The following AGBL4 variants were observed in gnomAD, a reference collection of about 807,000 sequenced individuals.
AGBL4 encodes the protein AGBL carboxypeptidase 4.
Under a neutral mutation model 66.4 loss-of-function variants are expected in AGBL4, and 58 were observed. The observed-to-expected ratio is 0.87, with a 90% CI of 0.71 to 1.09. AGBL4 has a LOEUF of 1.09. AGBL4 is among the 50% of genes least tolerant of loss of function. The probability of loss-of-function intolerance (pLI) is 0.00; values close to 1 mark genes in which losing one functional copy is unlikely to be tolerated. For missense variants in AGBL4, 579 were observed against 631.0 expected (o/e 0.92, Z 0.88); for synonymous variants, 234 against 222.9 (o/e 1.05, Z -0.44).
intron 4 of AGBL4, among the ~76,000 whole-genome samples, chr1:49,243,018 TATACATATATATATATACACACAC>T (rs1485980438): frequency 2.5e-3 from 369 of 147,626 alleles, no homozygotes; most frequent in African/African-American, 8.5e-3. Context: ...TCCCAATTTT[TATACATATATATATATACACACAC>T]ATACATATAT....
At chr1:49,688,876 T>C (rs763331031) in intron 3 of AGBL4, among the ~76,000 whole-genome samples, 2 of 152,236 alleles carry the variant, frequency 1.3e-5, no homozygotes, top group African/African-American at 2.4e-5. Flanking sequence ...ATGTCTTCTT[T>C]TGAGAAATGT....
chr1:49,546,368 T>A (rs992128265), intron 3 of AGBL4, among the ~76,000 whole-genome samples: 1 of 151,328 alleles, frequency 6.6e-6, no homozygotes, highest in African/African-American at 2.4e-5. Context: ...TATTCCATCA[T>A]TATATATATA....
chr1:49,216,423 A>G (rs1298120805), intron 4 of AGBL4, among the ~76,000 whole-genome samples: 1 of 152,052 alleles, frequency 6.6e-6, no homozygotes, highest in African/African-American at 2.4e-5. Flanking sequence ...TCCCCTCTCT[A>G]TTAGTCCCCA....
At chr1:48,686,542 AG>A (rs1261122920) in intron 6 of AGBL4, among the ~76,000 whole-genome samples, 4 of 152,260 alleles carry the variant, frequency 2.6e-5, no homozygotes, top group African/African-American at 9.6e-5. Context: ...ACGAGTAGAA[AG>A]ATAACAGAAA....
chr1:49,933,981 C>T (rs1210195252), intron 1 of AGBL4, among the ~76,000 whole-genome samples: 1 of 152,032 alleles, frequency 6.6e-6, no homozygotes, highest in African/African-American at 2.4e-5. Flanking sequence ...TATAATAAAA[C>T]AAGATCCAAG....
At chr1:49,707,709 T>C (rs1647320385) in intron 2 of AGBL4, among the ~76,000 whole-genome samples, 4 of 152,274 alleles carry the variant, frequency 2.6e-5, no homozygotes, top group Admixed American at 2.6e-4. Context: ...CCTTCCCATA[T>C]TTAGTGCTTC....
At chr1:48,761,357 A>C in intron 6 of AGBL4, 2 of 1,551,882 alleles carry the variant, frequency 1.3e-6, no homozygotes, top group Non-Finnish European at 1.7e-6. Context: ...CTAAGCTGTA[A>C]ATCTTCTTCC....
chr1:49,867,173 T>G (rs1422194159), intron 1 of AGBL4, among the ~76,000 whole-genome samples: 1 of 151,864 alleles, frequency 6.6e-6, no homozygotes, highest in Non-Finnish European at 1.5e-5. Context: ...TGCCAGCGAG[T>G]TTTCCTGTAG....
chr1:49,314,886 G>C (rs1255206381), intron 3 of AGBL4, among the ~76,000 whole-genome samples: 1 of 152,032 alleles, frequency 6.6e-6, no homozygotes, highest in Non-Finnish European at 1.5e-5. Flanking sequence ...ATCTTCTCCA[G>C]CATCTGTTGT....
intron 3 of AGBL4, among the ~76,000 whole-genome samples, chr1:49,282,479 T>A (rs568015057): frequency 4.6e-5 from 7 of 152,172 alleles, no homozygotes; most frequent in African/African-American, 1.7e-4. Flanking sequence ...CTTAAAACAA[T>A]GGAGAACTAA....
intron 3 of AGBL4, among the ~76,000 whole-genome samples, chr1:49,491,107 T>C (rs75295546): frequency 6.6e-6 from 1 of 151,792 alleles, no homozygotes; most frequent in Non-Finnish European, 1.5e-5. Flanking sequence ...ATGAATGACC[T>C]AATGTACAGT....
At chr1:48,947,393 C>T (rs994440275) in intron 5 of AGBL4, among the ~76,000 whole-genome samples, 2 of 152,134 alleles carry the variant, frequency 1.3e-5, no homozygotes, top group Non-Finnish European at 2.9e-5. Context: ...TAAGTATTTC[C>T]AGAATTAATG....
chr1:49,178,201 C>T (rs1440187136), intron 4 of AGBL4, among the ~76,000 whole-genome samples: 3 of 152,154 alleles, frequency 2.0e-5, no homozygotes, highest in Admixed American at 6.5e-5. Flanking sequence ...CCCTGAACCT[C>T]AGGTTCCTCA....
chr1:48,944,737 T>G (rs1656316709), intron 5 of AGBL4, among the ~76,000 whole-genome samples: 1 of 152,164 alleles, frequency 6.6e-6, no homozygotes, highest in Admixed American at 6.5e-5. Flanking sequence ...CCTTCCCCTT[T>G]CTTCTTGATC....
intron 3 of AGBL4, among the ~76,000 whole-genome samples, chr1:49,348,022 T>C (rs1475205106): frequency 6.6e-6 from 1 of 152,204 alleles, no homozygotes; most frequent in Non-Finnish European, 1.5e-5. Context: ...TTACTTTTTA[T>C]GGCAAAGGCT....
chr1:49,300,974 T>A (rs2148443333), intron 3 of AGBL4, among the ~76,000 whole-genome samples: 1 of 152,334 alleles, frequency 6.6e-6, no homozygotes, highest in Non-Finnish European at 1.5e-5. Context: ...TGAATGACTG[T>A]GATTTAACTG....
chr1:49,375,923 A>G (rs930514302), intron 3 of AGBL4, among the ~76,000 whole-genome samples: 1 of 151,962 alleles, frequency 6.6e-6, no homozygotes, highest in Non-Finnish European at 1.5e-5. Flanking sequence ...ATGCCCTTAC[A>G]CTGTCCAGGA....
At chr1:48,522,651 G>A in the AGBL4 span, among the ~76,000 whole-genome samples, 1 of 152,170 alleles carries the variant, frequency 6.6e-6, no homozygotes, top group Non-Finnish European at 1.5e-5. Context: ...GGTGTCACCA[G>A]CTCGTCTCAC....
At chr1:49,965,004 G>A (rs1291457865) in intron 1 of AGBL4, among the ~76,000 whole-genome samples, 3 of 152,142 alleles carry the variant, frequency 2.0e-5, no homozygotes, top group Non-Finnish European at 4.4e-5. Context: ...AAGAGCAAAA[G>A]CTTTGGAGCT....
Sources: gnomAD v4.1 joint callset for allele counts (sites outside exome capture counted in the v4.1 genomes callset) on GRCh38, gnomAD v4.1.1 for gene constraint, MANE v1.5 for transcripts, NCBI Gene and HGNC (gene_info 2026-07-23, HGNC 2026-07-21) for gene names.